GULP1: variants seen among roughly 807,000 people sequenced by gnomAD.
GULP1 encodes PTB domain-containing engulfment adapter protein 1.
GULP1 carries 19 observed loss-of-function variants against 40.9 expected under a neutral mutation model. The ratio of observed to expected loss-of-function variants is 0.46; its 90% CI spans 0.32 to 0.68. The LOEUF (loss-of-function observed/expected upper bound fraction) is 0.68, where lower values mean the gene tolerates loss of function less well. GULP1 is among the 30% of genes least tolerant of loss of function. The pLI is 0.03. For missense variants in GULP1, 312 were observed against 362.2 expected (o/e 0.86, Z 1.12); for synonymous variants, 119 against 117.6 (o/e 1.01, Z -0.08).
intron 1 of GULP1, among the ~76,000 whole-genome samples, chr2:188,375,069 T>C (rs1357573222): frequency 6.6e-6 from 1 of 152,220 alleles, no homozygotes; most frequent in East Asian, 1.9e-4. Flanking sequence ...ATTGGTGATG[T>C]CTGCATCTCT....
At chr2:188,454,866 A>T in intron 2 of GULP1, among the ~76,000 whole-genome samples, 1 of 152,178 alleles carries the variant, frequency 6.6e-6, no homozygotes, top group East Asian at 1.9e-4. Flanking sequence ...TTTCATGCCT[A>T]TAATTGCAGC....
chr2:188,414,228 AAAAAAAAAG>A (rs907124300), intron 2 of GULP1, among the ~76,000 whole-genome samples: 3 of 148,618 alleles, frequency 2.0e-5, no homozygotes, highest in African/African-American at 7.5e-5. Flanking sequence ...AAAAAAAAAA[AAAAAAAAAG>A]AAAAAGAAGA....
chr2:188,430,329 A>G (rs1311359944), intron 2 of GULP1, among the ~76,000 whole-genome samples: 1 of 152,212 alleles, frequency 6.6e-6, no homozygotes, highest in East Asian at 1.9e-4. Flanking sequence ...AATTGTTGCA[A>G]AATCTTTGTT....
At chr2:188,570,842 T>A (rs912184623) in intron 9 of GULP1, among the ~76,000 whole-genome samples, 3 of 152,176 alleles carry the variant, frequency 2.0e-5, no homozygotes, top group African/African-American at 7.2e-5. Context: ...TAAAGTGTAT[T>A]TATTATTCTT....
intron 7 of GULP1, among the ~76,000 whole-genome samples, chr2:188,555,134 A>C (rs1694425323): frequency 6.6e-6 from 1 of 152,136 alleles, no homozygotes; most frequent in South Asian, 2.1e-4. Flanking sequence ...TAATCCATTT[A>C]CAGTCAGTGT....
intron 1 of GULP1, among the ~76,000 whole-genome samples, chr2:188,372,966 G>T (rs1288502972): frequency 1.3e-5 from 2 of 151,944 alleles, no homozygotes; most frequent in Non-Finnish European, 2.9e-5. Context: ...TCCAAGAATA[G>T]GCTGAAGAGA....
At chr2:188,411,472 G>A (rs986953998) in intron 2 of GULP1, among the ~76,000 whole-genome samples, 2 of 152,134 alleles carry the variant, frequency 1.3e-5, no homozygotes, top group African/African-American at 4.8e-5. Flanking sequence ...CTTTGTTCAC[G>A]AGTCCACTGG....
chr2:188,408,248 C>T (rs765400143), intron 2 of GULP1, among the ~76,000 whole-genome samples: 175 of 152,238 alleles, frequency 1.1e-3, no homozygotes, highest in Non-Finnish European at 2.2e-3. Flanking sequence ...GATGCCAGCA[C>T]CATACTCTTG....
At chr2:188,488,023 C>A (rs1478907069) in intron 4 of GULP1, among the ~76,000 whole-genome samples, 1 of 152,012 alleles carries the variant, frequency 6.6e-6, no homozygotes, top group Non-Finnish European at 1.5e-5. Flanking sequence ...TATGTAATAT[C>A]AGATGTGACA....
chr2:188,448,963 T>G (rs1203498295), intron 2 of GULP1, among the ~76,000 whole-genome samples: 1 of 152,200 alleles, frequency 6.6e-6, no homozygotes, highest in Non-Finnish European at 1.5e-5. Context: ...GCTGAGCAGA[T>G]GCCAGTGCCA....
chr2:188,458,405 A>G (rs1207985500), intron 2 of GULP1, among the ~76,000 whole-genome samples: 2 of 152,166 alleles, frequency 1.3e-5, no homozygotes, highest in African/African-American at 4.8e-5. Flanking sequence ...GTTTCCATTT[A>G]AAGCAAAATT....
At chr2:188,479,149 T>C (rs2061257508) in intron 3 of GULP1, among the ~76,000 whole-genome samples, 1 of 152,136 alleles carries the variant, frequency 6.6e-6, no homozygotes, top group Non-Finnish European at 1.5e-5. Flanking sequence ...ATTACTCAAA[T>C]TACTAGCTTT....
intron 1 of GULP1, among the ~76,000 whole-genome samples, chr2:188,360,612 T>C (rs942665485): frequency 6.6e-6 from 1 of 152,066 alleles, no homozygotes; most frequent in Non-Finnish European, 1.5e-5. Flanking sequence ...GAAGCTTTTG[T>C]TTTTGGTTTG....
chr2:188,369,631 C>A (rs1031858320), intron 1 of GULP1, among the ~76,000 whole-genome samples: 2 of 152,070 alleles, frequency 1.3e-5, no homozygotes, highest in East Asian at 1.9e-4. Flanking sequence ...GCCACCAGTA[C>A]TCTCTTTATT....
At chr2:188,541,363 G>T in intron 7 of GULP1, 45 bp downstream of exon 7, 1 of 1,547,010 alleles carries the variant, frequency 6.5e-7, no homozygotes, top group Non-Finnish European at 8.9e-7. Context: ...TGTTTTATAA[G>T]CCAGGAATTG....
At chr2:188,423,883 T>C (rs2055797277) in intron 2 of GULP1, among the ~76,000 whole-genome samples, 1 of 151,868 alleles carries the variant, frequency 6.6e-6, no homozygotes, top group African/African-American at 2.4e-5. Context: ...TTCACACTTC[T>C]ATAATGTTTC....
intron 7 of GULP1, among the ~76,000 whole-genome samples, chr2:188,556,640 T>C (rs1368218811): frequency 6.6e-6 from 1 of 152,220 alleles, no homozygotes; most frequent in Non-Finnish European, 1.5e-5. Context: ...TTGTTTCCTG[T>C]GTCCTTATGT....
intron 2 of GULP1, among the ~76,000 whole-genome samples, chr2:188,404,148 A>G (rs1484655356): frequency 1.3e-5 from 2 of 152,186 alleles, no homozygotes; most frequent in Non-Finnish European, 2.9e-5. Context: ...GTCAAGCAGA[A>G]AAAAGTGAAC....
chr2:188,441,286 G>GATACACC (rs1411964603), intron 2 of GULP1, among the ~76,000 whole-genome samples: 9 of 152,222 alleles, frequency 5.9e-5, no homozygotes, highest in Admixed American at 3.3e-4. Context: ...TATATATCTG[G>GATACACC]CTTTCTATAC....
Sources: gnomAD v4.1 joint callset for allele counts (sites outside exome capture counted in the v4.1 genomes callset) on GRCh38, gnomAD v4.1.1 for gene constraint, MANE v1.5 for transcripts, NCBI Gene and HGNC (gene_info 2026-07-23, HGNC 2026-07-21) for gene names.